Variants in DAP3 observed in about 807,000 individuals in gnomAD.
The protein encoded by DAP3 is death associated protein 3, also known as small ribosomal subunit protein mS29.
In DAP3, 28 loss-of-function variants were observed where a neutral mutation model predicts 51.9. That is an observed-to-expected ratio of 0.54 (90% CI 0.40 to 0.74). The LOEUF is 0.74. DAP3 is among the 30% of genes least tolerant of loss of function. DAP3 has a pLI of 0.00. For synonymous variants in DAP3, 170 were observed against 170.3 expected, an observed-to-expected ratio of 1.00 and a Z score of 0.01; for missense variants, 458 against 483.5, an observed-to-expected ratio of 0.95 and a Z score of 0.49.
In DAP3 at chr1:155,721,561, C is replaced by T; in HGVS notation, c.213C>T (p.Ser71=). The stretch of plus-strand genomic sequence containing the variant: ...ACGAGGGTCAGCACTACAACATCTC[C>T]CCCCAGGATTTGGAGACTGTATTTC... ...DQHEGQHYNI[S]PQDLETVFPH... is the part of the protein sequence containing the mutation. Residue 71 remains serine (S), a synonymous_variant, in exon 4 of 13, where the codon TCC becomes TCT. Transcript: ENST00000368336. The T allele has an allele frequency of 6.2e-7, 1 of 1,614,034 alleles. No individual in the cohort carries two copies. Among genetic ancestry groups the T allele is most frequent in the South Asian group, 1.1e-5 (1 of 91,078 alleles).
intron 11 of DAP3, among the ~76,000 whole-genome samples, chr1:155,735,838 AT>A (rs35138415): frequency 3.4e-3 from 283 of 82,478 alleles, no homozygotes; most frequent in African/African-American, 8.4e-3. Flanking sequence ...CGCCTGGCTA[AT>A]TTTTTTTTTT....
At chr1:155,688,409 C>T (rs1558323669), upstream of DAP3, 2 of 1,545,082 alleles carry the variant, frequency 1.3e-6, no homozygotes, top group East Asian at 2.5e-5. Flanking sequence ...CAACCTCCCA[C>T]TCCTCCCTCC....
intron 2 of DAP3, among the ~76,000 whole-genome samples, chr1:155,716,804 G>T (rs921350699): frequency 2.6e-5 from 4 of 151,484 alleles, no homozygotes; most frequent in Non-Finnish European, 5.9e-5. Context: ...AAAATCAGCC[G>T]GGTGTGGTGG....
intron 1 of DAP3, among the ~76,000 whole-genome samples, chr1:155,705,133 TAAA>T (rs1226652613): frequency 1.4e-5 from 2 of 138,900 alleles, no homozygotes; most frequent in Non-Finnish European, 3.1e-5. Context: ...CTCTACAAAA[TAAA>T]AAAGCCAGGC....
intron 1 of DAP3, among the ~76,000 whole-genome samples, chr1:155,695,418 TTTGATAG>T (rs896620971): frequency 6.6e-6 from 1 of 152,136 alleles, no homozygotes; most frequent in African/African-American, 2.4e-5. Context: ...TTCCACATAA[TTTGATAG>T]TTGTTTGTAA....
chr1:155,688,282 C>G (rs768896723), upstream of DAP3: 19 of 1,586,504 alleles, frequency 1.2e-5, no homozygotes, highest in Middle Eastern at 1.7e-4. Context: ...CCGCAACCGA[C>G]ACTGGGATCG....
At position 155,736,890 on chromosome 1, in the gene DAP3, C is replaced by T. The variant is rs376125574; in HGVS notation, c.994-56C>T. The T allele has an allele frequency of 1.5e-5, 21 of 1,363,832 alleles. No homozygotes were observed. The African/African-American group carries it at 2.9e-4, about 19-fold the overall frequency. 84.5% of individuals were successfully genotyped at this position (1,363,832 alleles called of 1,614,324 possible). ...TTCAAAGTGCTTAAGTAGAGTCTGT[C>T]TGTCTGGTGCTTTGTTCCTTAACTA... On this transcript the variant is annotated intron_variant, in intron 11 of 12. Transcript: ENST00000368336.
At chr1:155,705,694 T>A (rs1655885582) in intron 1 of DAP3, among the ~76,000 whole-genome samples, 1 of 151,210 alleles carries the variant, frequency 6.6e-6, no homozygotes, top group Admixed American at 6.6e-5. Flanking sequence ...TTTTTAAATA[T>A]TATTTATTTA....
At chr1:155,716,241 A>C (rs1265573136) in intron 2 of DAP3, among the ~76,000 whole-genome samples, 2 of 152,240 alleles carry the variant, frequency 1.3e-5, no homozygotes, top group Non-Finnish European at 2.9e-5. Context: ...GTGAATTTTA[A>C]ATAATAACAG....
chr1:155,703,424 A>G (rs1420611841), intron 1 of DAP3, among the ~76,000 whole-genome samples: 1 of 152,206 alleles, frequency 6.6e-6, no homozygotes, highest in Non-Finnish European at 1.5e-5. Context: ...GGTATGGGGA[A>G]ACCGCCCCCA....
chr1:155,727,357 C>T (rs1452029319), intron 6 of DAP3: 7 of 253,840 alleles, frequency 2.8e-5, no homozygotes, highest in African/African-American at 4.5e-5. Context: ...GGTTCAACAG[C>T]ACTTTGAGAG....
chr1:155,727,800 G>C (rs1658776720), intron 7 of DAP3, 62 bp downstream of exon 7: 2 of 1,568,664 alleles, frequency 1.3e-6, no homozygotes, highest in African/African-American at 1.4e-5. Flanking sequence ...TGTGCCCTGA[G>C]TACCAATAGA....
intron 11 of DAP3, among the ~76,000 whole-genome samples, chr1:155,736,455 C>A (rs953917123): frequency 5.3e-5 from 8 of 152,062 alleles, no homozygotes; most frequent in Non-Finnish European, 1.2e-4. Context: ...CTTACTCTGT[C>A]ACCCATACTG....
At chr1:155,701,534 A>C (rs1655275513) in intron 1 of DAP3, among the ~76,000 whole-genome samples, 2 of 116,330 alleles carry the variant, frequency 1.7e-5, no homozygotes, top group Non-Finnish European at 3.4e-5. Context: ...CAGGGACACA[A>C]ACACTGCGGA....
chr1:155,690,947 A>G (rs1180290839), intron 1 of DAP3, among the ~76,000 whole-genome samples: 1 of 141,328 alleles, frequency 7.1e-6, no homozygotes, highest in Non-Finnish European at 1.5e-5. Context: ...TCGCTCTGTC[A>G]CCCAGGCTGG....
At position 155,737,044 on chromosome 1, in the gene DAP3, T is replaced by C. The variant is rs775564771; in HGVS notation, c.1092T>C (p.Asn364=). 1.2e-6 allele frequency: 2 copies of C among 1,613,570 alleles called. No individual in the cohort carries two copies. Among genetic ancestry groups the C allele is most frequent in the Non-Finnish European group, 1.7e-6 (2 of 1,179,534 alleles). Reference sequence around the variant, plus strand: ...GTATTCAGTATTATTTGGAAAACAATTGGCTTCAACATGAGAAAGGTCCAT... The same window carrying C: ...GTATTCAGTATTATTTGGAAAACAACTGGCTTCAACATGAGAAAGGTCCAT... ...ESCIQYYLEN[N]WLQHEKAPTE... The change falls in exon 12 of 13, where the codon AAT becomes AAC. Residue 364 remains asparagine (N), a synonymous_variant. Transcript: ENST00000368336.
intron 10 of DAP3, 157 bp downstream of exon 10, chr1:155,731,572 T>A (rs1354064314): frequency 2.8e-6 from 2 of 721,034 alleles, no homozygotes; most frequent in Admixed American, 6.1e-5. Flanking sequence ...AAGTTAGAAA[T>A]AAAGTCTGAA....
intron 3 of DAP3, among the ~76,000 whole-genome samples, chr1:155,719,428 G>T (rs1255866601): frequency 6.6e-6 from 1 of 151,926 alleles, no homozygotes; most frequent in Non-Finnish European, 1.5e-5. Flanking sequence ...TACAGATGGG[G>T]TTTTACCATG....
intron 1 of DAP3, among the ~76,000 whole-genome samples, chr1:155,700,746 G>A (rs1381390620): frequency 1.4e-5 from 2 of 146,230 alleles, no homozygotes; most frequent in East Asian, 2.1e-4. Flanking sequence ...AGGGAGGTGG[G>A]GGGGTCAGCC....
Sources: gnomAD v4.1 joint callset for allele counts (sites outside exome capture counted in the v4.1 genomes callset) on GRCh38, gnomAD v4.1.1 for gene constraint, MANE v1.5 for transcripts, NCBI Gene and HGNC (gene_info 2026-07-23, HGNC 2026-07-21) for gene names.